DHRSX: variants seen among roughly 807,000 people sequenced by gnomAD.
The protein encoded by DHRSX is dehydrogenase/reductase X-linked.
In DHRSX, 31 loss-of-function variants were observed where a neutral mutation model predicts 34.0. That is an observed-to-expected ratio of 0.91 (90% confidence interval 0.69 to 1.23). DHRSX has a LOEUF of 1.23. Ranked by LOEUF, DHRSX falls within the 50% of genes most tolerant of loss-of-function variation. The pLI is 0.00. For missense variants in DHRSX, 414 were observed against 428.1 expected (o/e 0.97, Z 0.29); for synonymous variants, 201 against 183.8 (o/e 1.09, Z -0.76).
chrX:2,425,946 G>A (rs1007696349), intron 1 of DHRSX, among the ~76,000 whole-genome samples: 1 of 152,142 alleles, frequency 6.6e-6, no homozygotes, highest in African/African-American at 2.4e-5. Context: ...CAGGCTCTGG[G>A]GCATAGGGGC....
chrX:2,270,576 C>T (rs1293922664), intron 4 of DHRSX, among the ~76,000 whole-genome samples: 3 of 152,308 alleles, frequency 2.0e-5, no homozygotes, highest in East Asian at 1.9e-4. Context: ...CGGCTCTACA[C>T]GTCCCTGGCC....
Position 2,275,497 on chromosome X carries a change from G to A in DHRSX, c.389-8550C>T, listed in dbSNP as rs769860675. Among the ~76,000 whole-genome samples the A allele has an allele frequency of 5.1e-4, 66 of 129,268 alleles. No homozygotes were observed. The South Asian group carries it at 7.2e-3, about 14-fold the overall frequency. 84.8% of individuals were successfully genotyped at this position (129,268 alleles called of 152,430 possible). A position where few individuals can be genotyped will look rare whatever the true frequency, so the allele number is the denominator to read the frequency against. ...CACTCCAGCCCCGGCCGACAACAGC[G>A]AGACTATGTTTCAAAACAAAAAAAA... On this transcript the variant is annotated intron_variant, in intron 4 of 6. Transcript: ENST00000334651.
chrX:2,271,807 C>T (rs1291502799), intron 4 of DHRSX, among the ~76,000 whole-genome samples: 5 of 152,124 alleles, frequency 3.3e-5, no homozygotes, highest in Non-Finnish European at 5.9e-5. Context: ...TTTCAGAGGG[C>T]GAAGCGGGCA....
chrX:2,367,977 T>C (rs2043013834), intron 3 of DHRSX, among the ~76,000 whole-genome samples: 1 of 152,072 alleles, frequency 6.6e-6, no homozygotes, highest in Non-Finnish European at 1.5e-5. Flanking sequence ...GCACGGAGGC[T>C]CACACCTGTA....
chrX:2,301,619 G>A lies in DHRSX; in HGVS notation c.287-10016C>T, dbSNP rs998111886. Among the ~76,000 whole-genome samples, 3 of 152,170 alleles carry A rather than the reference G, an allele frequency of 2.0e-5. No individual in the cohort carries two copies. In the East Asian group the frequency reaches 5.8e-4, roughly 30 times the overall value. ...ACGGCTGGTTGCGCTGCAGGAGCAC[G>A]CCAGGTCTTTTCACCTAGTTCTTTG... is the stretch of plus-strand genomic sequence containing the variant. On this transcript the variant is annotated intron_variant, in intron 3 of 6. Coordinates refer to ENST00000334651, the MANE Select transcript of DHRSX (RefSeq NM_145177.3).
intron 6 of DHRSX, among the ~76,000 whole-genome samples, chrX:2,229,425 C>T (rs2015811833): frequency 6.6e-6 from 1 of 152,086 alleles, no homozygotes; most frequent in Non-Finnish European, 1.5e-5. Flanking sequence ...GCTGCTTCTG[C>T]CACGATGTCC....
chrX:2,303,770 T>C (rs2042045262), intron 3 of DHRSX, among the ~76,000 whole-genome samples: 1 of 94,074 alleles, frequency 1.1e-5, no homozygotes, highest in Non-Finnish European at 2.0e-5. Flanking sequence ...GATGGATGGA[T>C]AAATGGATGG....
At chrX:2,250,179 A>AAC (rs1569479723) in intron 5 of DHRSX, among the ~76,000 whole-genome samples, 5 of 149,452 alleles carry the variant, frequency 3.3e-5, no homozygotes, top group East Asian at 2.1e-4. Flanking sequence ...AAAAAAAAAA[A>AAC]AATTAAGCAT....
chrX:2,236,369 G>A (rs893996995), intron 6 of DHRSX, among the ~76,000 whole-genome samples: 2 of 152,170 alleles, frequency 1.3e-5, no homozygotes, highest in African/African-American at 4.8e-5. Context: ...AGCCAGGGCT[G>A]AGGCCTGCAC....
chrX:2,415,159 C>T (rs1368546304), intron 2 of DHRSX, among the ~76,000 whole-genome samples: 4 of 152,052 alleles, frequency 2.6e-5, no homozygotes, highest in Non-Finnish European at 5.9e-5. Flanking sequence ...AACTAGATCT[C>T]ATCATGACCT....
chrX:2,305,798 C>T (rs903075838), intron 3 of DHRSX, among the ~76,000 whole-genome samples: 1 of 135,366 alleles, frequency 7.4e-6, no homozygotes, highest in Admixed American at 8.9e-5. Context: ...AATGAGAACA[C>T]AGGGACACAG....
At chrX:2,298,329 T>TGTTG (rs1381383990) in intron 3 of DHRSX, among the ~76,000 whole-genome samples, 1 of 150,914 alleles carries the variant, frequency 6.6e-6, no homozygotes, top group African/African-American at 2.4e-5. Context: ...TTTTTTTTTT[T>TGTTG]TTGTTAGTTC....
At chrX:2,409,129 T>TA (rs1384253672) in intron 2 of DHRSX, among the ~76,000 whole-genome samples, 3 of 152,172 alleles carry the variant, frequency 2.0e-5, no homozygotes, top group African/African-American at 7.2e-5. Flanking sequence ...AGCATAAGCA[T>TA]AAAAAATGTG....
chrX:2,456,989 T>C (rs1255183055), intron 1 of DHRSX, among the ~76,000 whole-genome samples: 4 of 151,990 alleles, frequency 2.6e-5, no homozygotes, highest in Non-Finnish European at 4.4e-5. Context: ...GGCTGGAGAA[T>C]GTCTGAGATG....
chrX:2,305,903 T>A (rs965694365), intron 3 of DHRSX, among the ~76,000 whole-genome samples: 1 of 152,092 alleles, frequency 6.6e-6, no homozygotes, highest in South Asian at 2.1e-4. Context: ...AACGAGTTGA[T>A]GGGTGCAGCA....
At chrX:2,406,700 C>G (rs1198148436) in intron 3 of DHRSX, among the ~76,000 whole-genome samples, 1 of 152,106 alleles carries the variant, frequency 6.6e-6, no homozygotes, top group South Asian at 2.1e-4. Context: ...CTCGGCCTCC[C>G]AAAGTGCTGG....
intron 3 of DHRSX, among the ~76,000 whole-genome samples, chrX:2,393,042 C>T (rs2124622977): frequency 6.9e-6 from 1 of 145,350 alleles, no homozygotes; most frequent in South Asian, 2.1e-4. Flanking sequence ...TATGTATATA[C>T]ATTATAATAT....
At chrX:2,233,758 C>G (rs182333867) in intron 6 of DHRSX, among the ~76,000 whole-genome samples, 4 of 150,360 alleles carry the variant, frequency 2.7e-5, no homozygotes, top group Non-Finnish European at 5.9e-5. Flanking sequence ...TGGTGAGGCA[C>G]AAGTGCAGGA....
chrX:2,411,792 A>C (rs2043633791), intron 2 of DHRSX, among the ~76,000 whole-genome samples: 1 of 152,126 alleles, frequency 6.6e-6, no homozygotes, highest in Non-Finnish European at 1.5e-5. Flanking sequence ...GCTGGGACGA[A>C]GTAAGATGGG....
Sources: allele counts gnomAD v4.1 joint callset (sites outside exome capture counted in the v4.1 genomes callset), GRCh38; gene constraint gnomAD v4.1.1; transcripts MANE v1.5; gene names NCBI Gene and HGNC (gene_info 2026-07-23, HGNC 2026-07-21).